The following SLC39A8 variants were observed in gnomAD, a reference collection of about 807,000 sequenced individuals.
The protein encoded by SLC39A8 is metal cation symporter ZIP8.
SLC39A8 carries 15 observed loss-of-function variants against 40.4 expected under a neutral mutation model. The ratio of observed to expected loss-of-function variants is 0.37; its 90% CI spans 0.25 to 0.57. SLC39A8 has a LOEUF of 0.57. Among genes scored for constraint, SLC39A8 ranks in the 20% least tolerant of loss-of-function variants. The pLI is 0.75. For missense variants in SLC39A8, 472 were observed against 558.8 expected (o/e 0.84, Z 1.57); for synonymous variants, 223 against 221.6 (o/e 1.01, Z -0.06).
chr4:102,278,109 T>A (rs1481687802), intron 6 of SLC39A8, among the ~76,000 whole-genome samples: 1 of 152,080 alleles, frequency 6.6e-6, no homozygotes, highest in Admixed American at 6.6e-5. Flanking sequence ...CAAAAAGCAA[T>A]GGCAACAAAA....
chr4:102,300,791 A>G (rs1733891944), intron 6 of SLC39A8, among the ~76,000 whole-genome samples: 1 of 151,816 alleles, frequency 6.6e-6, no homozygotes, highest in South Asian at 2.1e-4. Context: ...TATAATATAA[A>G]ATATTAGAAA....
At chr4:102,307,710 A>T in intron 3 of SLC39A8, 105 bp from the exon 4 acceptor site, 1 of 1,140,062 alleles carries the variant, frequency 8.8e-7, no homozygotes, top group Non-Finnish European at 1.3e-6. Flanking sequence ...CTTAAGACAC[A>T]TATCTTCTTT....
At chr4:102,307,687 G>GC in intron 3 of SLC39A8, 82 bp from the exon 4 acceptor site, 1 of 1,395,438 alleles carries the variant, frequency 7.2e-7, no homozygotes, top group Admixed American at 2.2e-5. Flanking sequence ...AAGCTTAAAA[G>GC]TGTCTTTAAA....
chr4:102,315,013 TC>T (rs1734596643), intron 3 of SLC39A8, among the ~76,000 whole-genome samples: 1 of 152,146 alleles, frequency 6.6e-6, no homozygotes, highest in African/African-American at 2.4e-5. Flanking sequence ...TCAAACAGAC[TC>T]CCTGAACAAT....
At chr4:102,326,429 C>T (rs1735205324) in intron 2 of SLC39A8, among the ~76,000 whole-genome samples, 1 of 152,108 alleles carries the variant, frequency 6.6e-6, no homozygotes, top group African/African-American at 2.4e-5. Context: ...GGCCTCGTGG[C>T]GGGCGCCTGT....
At chr4:102,273,629 T>G (rs879608000) in intron 6 of SLC39A8, among the ~76,000 whole-genome samples, 4 of 152,216 alleles carry the variant, frequency 2.6e-5, no homozygotes, top group Non-Finnish European at 5.9e-5. Flanking sequence ...AGTGGGTCCC[T>G]GACCCCTGTG....
intron 2 of SLC39A8, among the ~76,000 whole-genome samples, chr4:102,324,821 A>T (rs1041461929): frequency 4.6e-5 from 7 of 152,194 alleles, no homozygotes; most frequent in African/African-American, 1.7e-4. Flanking sequence ...TTAAAATGGT[A>T]GTTTGAATTT....
intron 6 of SLC39A8, among the ~76,000 whole-genome samples, chr4:102,298,771 G>A (rs867371764): frequency 7.1e-6 from 1 of 141,840 alleles, no homozygotes; most frequent in African/African-American, 2.6e-5. Context: ...GAAAGAGGAA[G>A]GCAAGTTCTG....
In SLC39A8 at chr4:102,325,016, C is replaced by T. The variant is rs991839896; in HGVS notation, c.220-9186G>A. Among the ~76,000 whole-genome samples the T allele has an allele frequency of 2.5e-4, 38 of 151,978 alleles. 1 individual carries two copies. Among genetic ancestry groups the T allele is most frequent in the Admixed American group, 2.0e-4 (3 of 15,236 alleles). Reference sequence around the variant, plus strand: ...TGTTCTTCCTGCAATAATGAAACTGCCTCAATTACAAGGCACTCAAGTTTC... The same window carrying T: ...TGTTCTTCCTGCAATAATGAAACTGTCTCAATTACAAGGCACTCAAGTTTC... On this transcript the variant is annotated intron_variant, in intron 2 of 8. Transcript: ENST00000356736.
In SLC39A8 at chr4:102,263,064, C is replaced by T. The variant is rs1477863980; in HGVS notation, c.1363G>A (p.Gly455Arg). The T allele has an allele frequency of 1.2e-6, 2 of 1,611,188 alleles. No individual in the cohort carries two copies. Among genetic ancestry groups the T allele is most frequent in the Admixed American group, 1.7e-5 (1 of 59,802 alleles). The change falls in exon 9 of 9, where the codon GGA (glycine) becomes AGA (arginine). Residue 455 changes from glycine (G) to arginine (R), a missense_variant. Coordinates refer to ENST00000356736, the MANE Select transcript of SLC39A8 (RefSeq NM_001135146.2). ...TTCTATTACTCCAATTCGATTTCTC[C>T]TGCATACAAGGTAATGAGTAGAATG... ...TAILLITLYA[G>R]EIELE
intron 2 of SLC39A8, among the ~76,000 whole-genome samples, chr4:102,330,292 GAA>G (rs1735394468): frequency 2.0e-5 from 3 of 151,928 alleles, no homozygotes; most frequent in Admixed American, 2.0e-4. Context: ...AAATAAAGAA[GAA>G]AAGAGAGAAG....
At chr4:102,319,634 T>C (rs1578611284) in intron 2 of SLC39A8, among the ~76,000 whole-genome samples, 1 of 152,052 alleles carries the variant, frequency 6.6e-6, no homozygotes, top group Non-Finnish European at 1.5e-5. Context: ...TCCCCACTCC[T>C]ACCCCTGCTC....
At chr4:102,329,125 C>G (rs1420612442) in intron 2 of SLC39A8, among the ~76,000 whole-genome samples, 1 of 152,014 alleles carries the variant, frequency 6.6e-6, no homozygotes, top group Non-Finnish European at 1.5e-5. Flanking sequence ...TTAGCCAACT[C>G]TGAAGTAATG....
At chr4:102,318,940 T>A (rs775743745) in intron 2 of SLC39A8, among the ~76,000 whole-genome samples, 1 of 152,316 alleles carries the variant, frequency 6.6e-6, no homozygotes, top group Non-Finnish European at 1.5e-5. Flanking sequence ...GATGTCCTCG[T>A]GTTCAGCGCG....
chr4:102,342,492 C>T (rs1735987172), intron 2 of SLC39A8, among the ~76,000 whole-genome samples: 1 of 151,964 alleles, frequency 6.6e-6, no homozygotes. Flanking sequence ...GAGTAAAACT[C>T]AGTCTCAAAA....
In SLC39A8 at chr4:102,312,515, G is replaced by T. The variant is rs62327955; in HGVS notation, c.382+3153C>A. The stretch of plus-strand genomic sequence containing the variant: ...AAACAGAGTAACCTAGTCAACTGGG[G>T]TTTAAAAATTACTTTTGAATATGAG... On this transcript the variant is annotated intron_variant, in intron 3 of 8. Transcript: ENST00000356736. Among the ~76,000 whole-genome samples, 1,493 of 152,154 alleles carry T rather than the reference G, an allele frequency of 9.8e-3. 8 individuals are homozygous for T. The highest frequency in any genetic ancestry group is 0.016 in the Non-Finnish European group (1,057 of 67,970).
In SLC39A8 at chr4:102,278,269, A is replaced by G. The variant is rs188543984; in HGVS notation, c.841-10190T>C. Among the ~76,000 whole-genome samples, 503 of 152,342 alleles carry G rather than the reference A, an allele frequency of 3.3e-3. 7 individuals carry two copies. The highest frequency in any genetic ancestry group is 0.011 in the African/African-American group (457 of 41,572). ...AAAGGGCTAATATCCAGAATCTACA[A>G]GGAACTTAAACAAATTTAGAAGAAA... On this transcript the variant is annotated intron_variant, in intron 6 of 8. Coordinates refer to ENST00000356736, the MANE Select transcript of SLC39A8 (RefSeq NM_001135146.2).
chr4:102,287,004 T>C (rs1167834480), intron 6 of SLC39A8, among the ~76,000 whole-genome samples: 2 of 152,138 alleles, frequency 1.3e-5, no homozygotes, highest in Admixed American at 1.3e-4. Flanking sequence ...CTGTGTGAAC[T>C]TGAGGGAGTC....
Position 102,289,556 on chromosome 4 carries a change from G to A in SLC39A8, c.840+14761C>T, listed in dbSNP as rs112549703. Among the ~76,000 whole-genome samples the A allele has an allele frequency of 9.6e-3, 1,463 of 152,164 alleles. 27 individuals are homozygous for A. The highest frequency in any genetic ancestry group is 0.034 in the African/African-American group (1,392 of 41,502). On this transcript the variant is annotated intron_variant, in intron 6 of 8. Coordinates refer to ENST00000356736, the MANE Select transcript of SLC39A8 (RefSeq NM_001135146.2). ...AAGGAAGTTGAAAACCTTCTAGAAA[G>A]GATTCATCAATCTAGATGCCATTAA...
Sources: gnomAD v4.1 joint callset for allele counts (sites outside exome capture counted in the v4.1 genomes callset) on GRCh38, gnomAD v4.1.1 for gene constraint, MANE v1.5 for transcripts, NCBI Gene and HGNC (gene_info 2026-07-23, HGNC 2026-07-21) for gene names.